Variants in AFDN observed in about 807,000 individuals in gnomAD.
The protein encoded by AFDN is afadin.
Under a neutral mutation model 216.6 loss-of-function variants are expected in AFDN, and 68 were observed. That is an observed-to-expected ratio of 0.31 (90% CI 0.26 to 0.38). The LOEUF (loss-of-function observed/expected upper bound fraction) is 0.38, where lower values mean the gene tolerates loss of function less well. Among genes scored for constraint, AFDN ranks in the 10% least tolerant of loss-of-function variants. AFDN has a pLI of 1.00. For synonymous variants in AFDN, 868 were observed against 853.7 expected (o/e 1.02, Z -0.29); for missense variants, 2,136 against 2,342.0 (o/e 0.91, Z 1.82).
rs149471598 is a variant in AFDN at position 167,906,476 on chromosome 6, A to G, written c.1651-695A>G. 1.2e-3 allele frequency among the ~76,000 whole-genome samples: 177 copies of G among 152,300 alleles called. 2 individuals carry two copies. Among genetic ancestry groups the G allele is most frequent in the African/African-American group, 4.2e-3 (176 of 41,574 alleles). ...TGTGCCCAGTTTCTGTAGTAAGCAG[A>G]TGTAATAAGAAATTTTACATGAAAT... is the stretch of plus-strand genomic sequence containing the variant. On this transcript the variant is annotated intron_variant, in intron 12 of 33. Coordinates refer to ENST00000683244, the MANE Select transcript of AFDN (RefSeq NM_001386888.1).
In AFDN at chr6:167,962,808, C is replaced by G; in HGVS notation, c.4968+241C>G. ...GTTTTGTCTCCTTCAAACTTCTGAA[C>G]TCTTGGGCGTGTGTAGCAGTGAGCC... On this transcript the variant is annotated intron_variant, in intron 31 of 33. Transcript: ENST00000683244. This position sits in a 1 kb window ranked among gnomAD's most constrained non-coding sequence, Gnocchi z 5.2. The G allele has an allele frequency of 7.4e-7, 1 of 1,358,650 alleles. No individual in the cohort carries two copies. Among genetic ancestry groups the G allele is most frequent in the Non-Finnish European group, 9.5e-7 (1 of 1,054,280 alleles). 84.2% of individuals were successfully genotyped at this position (1,358,650 alleles called of 1,614,324 possible).
At chr6:167,872,098 T>A (rs1430447947) in intron 3 of AFDN, 116 bp from the exon 4 acceptor site, 3 of 952,752 alleles carry the variant, frequency 3.1e-6, no homozygotes, top group Non-Finnish European at 4.8e-6. Context: ...CCTTCCTGTG[T>A]TTCAGTAGCT....
chr6:167,882,941 G>A (rs1327565258), intron 6 of AFDN, among the ~76,000 whole-genome samples: 1 of 152,066 alleles, frequency 6.6e-6, no homozygotes, highest in Non-Finnish European at 1.5e-5. Context: ...CTGGCATGCC[G>A]TGTACTTTCA....
At chr6:167,878,879 G>T (rs911137955) in intron 5 of AFDN, among the ~76,000 whole-genome samples, 1 of 152,154 alleles carries the variant, frequency 6.6e-6, no homozygotes, top group African/African-American at 2.4e-5. Context: ...GGCCACTTCT[G>T]TCTGGTTGTT....
intron 2 of AFDN, among the ~76,000 whole-genome samples, chr6:167,865,059 A>G (rs929364256): frequency 6.6e-6 from 1 of 151,918 alleles, no homozygotes; most frequent in South Asian, 2.1e-4. Flanking sequence ...GTAGTATGCT[A>G]CCTGCTTTTT....
Position 167,951,265 on chromosome 6 carries a change from A to T in AFDN, c.3911A>T (p.Asp1304Val). 4 of 1,613,480 alleles carry T rather than the reference A, an allele frequency of 2.5e-6. No individual in the cohort carries two copies. The highest frequency in any genetic ancestry group is 3.4e-6 in the Non-Finnish European group (4 of 1,179,782). The stretch of plus-strand genomic sequence containing the variant: ...CGGCATCGAATAGAGGCAGCTATGG[A>T]CCGAAAGTCTGATAGTGATATGTGG... The part of the protein sequence containing the change: ...LERHRIEAAM[D>V]RKSDSDMWIN... Residue 1304 changes from aspartate (D) to valine (V), a missense_variant, in exon 30 of 34, where the codon GAC becomes GTC. Asp to Val is a radical substitution (Grantham distance 152). This residue lies in a region of AFDN where 981 missense variants were observed against 966.0 expected (regional missense o/e 1.02). Coordinates refer to ENST00000683244, the MANE Select transcript of AFDN (RefSeq NM_001386888.1). This position sits in a 1 kb window ranked among gnomAD's most constrained non-coding sequence, Gnocchi z 7.1.
chr6:167,954,438 T>C (rs753989545), intron 30 of AFDN: 48 of 1,568,948 alleles, frequency 3.1e-5, no homozygotes, highest in Non-Finnish European at 3.8e-5. Context: ...TTTTTTTTTT[T>C]CTTTCTCTGT....
At chr6:167,929,573 C>G (rs1168514667) in intron 23 of AFDN, among the ~76,000 whole-genome samples, 3 of 152,176 alleles carry the variant, frequency 2.0e-5, no homozygotes, top group Non-Finnish European at 4.4e-5. Context: ...GGTAGTTGTC[C>G]CCTTAGAGCA....
At chr6:167,946,507 C>T (rs1489298130) in intron 26 of AFDN, among the ~76,000 whole-genome samples, 200 bp from the exon 27 acceptor site, 1 of 151,966 alleles carries the variant, frequency 6.6e-6, no homozygotes, top group Non-Finnish European at 1.5e-5. Flanking sequence ...AAGTGTTTAT[C>T]TTCCCATCAT....
In AFDN at chr6:167,951,317, C is replaced by T. The variant is rs768367429; in HGVS notation, c.3963C>T (p.Ser1321=). Residue 1321 remains serine, a synonymous_variant, in exon 30 of 34, where the codon TCC becomes TCT. Coordinates refer to ENST00000683244, the MANE Select transcript of AFDN (RefSeq NM_001386888.1). This position sits in a 1 kb window ranked among gnomAD's most constrained non-coding sequence, Gnocchi z 7.1. ...TAAATCAGAGCTCCTCACTGGACTC[C>T]AGTACCTCTAGCCAGGAGCATCTGA... The part of the protein sequence containing the change: ...MWINQSSSLD[S]STSSQEHLNH... The T allele has an allele frequency of 1.2e-6, 2 of 1,614,056 alleles. No homozygotes were observed. Among genetic ancestry groups the T allele is most frequent in the Non-Finnish European group, 1.7e-6 (2 of 1,180,026 alleles).
rs370418287 is a variant in AFDN, at chr6:167,834,880, G to A, written c.105+7643G>A. On this transcript the variant is annotated intron_variant, in intron 1 of 33. Transcript: ENST00000683244. The stretch of plus-strand genomic sequence containing the variant: ...ACCTGTGTTCCCAGCTTCTTGGGAG[G>A]CTGAGGCAGGACGATTGCTTGAGCC... Among the ~76,000 whole-genome samples the A allele has an allele frequency of 2.2e-3, 333 of 152,184 alleles. 1 individual carries two copies. The highest frequency in any genetic ancestry group is 7.8e-3 in the African/African-American group (324 of 41,518).
At position 167,914,667 on chromosome 6, in the gene AFDN, C is replaced by A; in HGVS notation, c.2228C>A (p.Ser743Ter). ...AFKYLVHCLQSELNNYMPAFL... is the reference protein window; with the variant it reads ...AFKYLVHCLQ ...AGATACTTGGTTCACTGTCTTCAATCAGAACTTAATAATTACATGCCAGCC... is the reference window on the plus strand; with the variant it reads ...AGATACTTGGTTCACTGTCTTCAATAAGAACTTAATAATTACATGCCAGCC... The change falls in exon 18 of 34, where the codon TCA (serine) becomes TAA (stop). Residue 743 changes from serine to a stop codon, truncating the protein, a stop_gained. Coordinates refer to ENST00000683244, the MANE Select transcript of AFDN (RefSeq NM_001386888.1). LOFTEE classifies it high-confidence loss of function. The A allele has an allele frequency of 6.2e-7, 1 of 1,612,744 alleles. No homozygotes were observed. Among genetic ancestry groups the A allele is most frequent in the Non-Finnish European group, 8.5e-7 (1 of 1,178,920 alleles).
Position 167,951,888 on chromosome 6 carries a change from C to T in AFDN, c.4534C>T (p.Leu1512Phe). Residue 1512 changes from leucine to phenylalanine, a missense_variant, in exon 30 of 34, where the codon CTT becomes TTT. Physicochemically the swap from Leu to Phe is conservative, Grantham distance 22. Around this residue, in one of 8 missense-constraint regions of AFDN, gnomAD observed 981 missense variants for 966.0 expected, o/e 1.02. Transcript: ENST00000683244. The surrounding 1 kb of genome is among the most constrained non-coding windows in gnomAD (Gnocchi z 7.1). ...LQYITVSKEE[L>F]SSGDSLSPDP... is the part of the protein sequence containing the mutation. Reference sequence around the variant, plus strand: ...GTACATTACAGTCAGCAAAGAGGAGCTTTCCTCGGGGGACAGTCTGTCCCC... The same window carrying T: ...GTACATTACAGTCAGCAAAGAGGAGTTTTCCTCGGGGGACAGTCTGTCCCC... 6.2e-7 allele frequency: 1 copy of T among 1,613,966 alleles called. No homozygotes were observed. The highest frequency in any genetic ancestry group is 2.2e-5 in the East Asian group (1 of 44,866).
chr6:167,897,865 C>G (rs1410205595), intron 10 of AFDN, among the ~76,000 whole-genome samples: 2 of 151,908 alleles, frequency 1.3e-5, no homozygotes, highest in African/African-American at 4.8e-5. Context: ...AGGATAGTCT[C>G]GATCTCCTGA....
At chr6:167,845,394 C>G (rs916999120) in intron 1 of AFDN, among the ~76,000 whole-genome samples, 1 of 150,876 alleles carries the variant, frequency 6.6e-6, no homozygotes, top group Non-Finnish European at 1.5e-5. Context: ...TTTTCTTTTT[C>G]TTTTCTTTTC....
At chr6:167,945,576 A>G (rs1795170046) in intron 26 of AFDN, among the ~76,000 whole-genome samples, 1 of 152,206 alleles carries the variant, frequency 6.6e-6, no homozygotes, top group Non-Finnish European at 1.5e-5. Context: ...GCACGACCAC[A>G]AACACGAGGA....
chr6:167,906,269 C>T (rs1325452572), intron 12 of AFDN, among the ~76,000 whole-genome samples: 3 of 152,054 alleles, frequency 2.0e-5, no homozygotes, highest in Non-Finnish European at 4.4e-5. Flanking sequence ...TGTTATACAG[C>T]CATTACAAGT....
At chr6:167,848,188 TG>T (rs761720366) in intron 1 of AFDN, among the ~76,000 whole-genome samples, 1 of 152,218 alleles carries the variant, frequency 6.6e-6, no homozygotes, top group Non-Finnish European at 1.5e-5. Context: ...GTAACTATCA[TG>T]GTCACATTTC....
chr6:167,850,583 G>A (rs1782185203), intron 1 of AFDN, among the ~76,000 whole-genome samples: 1 of 152,106 alleles, frequency 6.6e-6, no homozygotes. Context: ...ATCTACCAAT[G>A]TTCATGTATA....
Sources: gnomAD v4.1 joint callset for allele counts (sites outside exome capture counted in the v4.1 genomes callset) on GRCh38, gnomAD v4.1.1 for gene constraint, gnomAD v4.1.1 regional missense constraint, Gnocchi (gnomAD v3.1) non-coding constraint, MANE v1.5 for transcripts, NCBI Gene and HGNC (gene_info 2026-07-23, HGNC 2026-07-21) for gene names.